FAM222B: variants seen among roughly 807,000 people sequenced by gnomAD.
FAM222B encodes protein FAM222B.
In FAM222B, 12 loss-of-function variants were observed where a neutral mutation model predicts 38.0. That is an observed-to-expected ratio of 0.32 (90% CI 0.20 to 0.51). The LOEUF (loss-of-function observed/expected upper bound fraction) is 0.51. FAM222B is among the 20% of genes least tolerant of loss of function. FAM222B has a pLI of 0.97. For synonymous variants in FAM222B, 329 were observed against 317.2 expected (o/e 1.04, Z -0.40); for missense variants, 716 against 754.2 (o/e 0.95, Z 0.59).
At chr17:28,775,253 G>T (rs1240744850) in intron 1 of FAM222B, among the ~76,000 whole-genome samples, 2 of 151,804 alleles carry the variant, frequency 1.3e-5, no homozygotes, top group African/African-American at 4.8e-5. Flanking sequence ...AAGGTGCTGG[G>T]ATTACAGACA....
intron 1 of FAM222B, among the ~76,000 whole-genome samples, chr17:28,833,628 A>G (rs2038743487): frequency 6.6e-6 from 1 of 151,748 alleles, no homozygotes; most frequent in Non-Finnish European, 1.5e-5. Context: ...AAAAAAAAAA[A>G]AAAAGAAGTT....
At chr17:28,770,593 C>CA (rs2151799853) in intron 1 of FAM222B, among the ~76,000 whole-genome samples, 2 of 144,188 alleles carry the variant, frequency 1.4e-5, no homozygotes, top group African/African-American at 5.1e-5. Context: ...TTTTTTGAGA[C>CA]AGAGTCTTGC....
At chr17:28,779,974 A>AC (rs1228218641) in intron 1 of FAM222B, among the ~76,000 whole-genome samples, 6 of 141,054 alleles carry the variant, frequency 4.3e-5, no homozygotes, top group Middle Eastern at 3.4e-3. Flanking sequence ...CACTCTAGCC[A>AC]CTTTTTTTTT....
At chr17:28,820,610 T>G (rs1353080568) in intron 1 of FAM222B, among the ~76,000 whole-genome samples, 2 of 152,012 alleles carry the variant, frequency 1.3e-5, no homozygotes, top group Non-Finnish European at 2.9e-5. Context: ...ATTCCTCATC[T>G]GAACCAAAAA....
At chr17:28,837,579 T>C (rs1321228855) in intron 1 of FAM222B, among the ~76,000 whole-genome samples, 1 of 152,136 alleles carries the variant, frequency 6.6e-6, no homozygotes, top group East Asian at 1.9e-4. Flanking sequence ...TCACAGAGCT[T>C]TGACAGGGAA....
upstream of FAM222B, among the ~76,000 whole-genome samples, chr17:28,845,124 G>A (rs555915860): frequency 3.9e-4 from 58 of 147,294 alleles, no homozygotes; most frequent in African/African-American, 1.3e-3. Flanking sequence ...AAATAGGGCC[G>A]GGCGCGGTGG....
rs1344486331 is a variant in FAM222B at position 28,759,980 on chromosome 17, T to TG, written c.83-105dup. ...CCCCTTTTGAGGGCCTGGGGTGGGG[T>TG]GGGGAAATGACTAGATTGTCATCTG... On this transcript the variant is annotated intron_variant, in intron 2 of 2. Coordinates refer to ENST00000581407, the MANE Select transcript of FAM222B (RefSeq NM_001077498.3). This position sits in a 1 kb window ranked among gnomAD's most constrained non-coding sequence, Gnocchi z 4.8. 1 of 1,151,960 alleles carries TG rather than the reference T, an allele frequency of 8.7e-7. No individual in the cohort carries two copies. Among genetic ancestry groups the TG allele is most frequent in the Non-Finnish European group, 1.2e-6 (1 of 828,748 alleles). The allele number at this position is 1,151,960 out of a possible 1,614,324, so 71.4% of individuals were successfully genotyped here.
intron 1 of FAM222B, among the ~76,000 whole-genome samples, chr17:28,829,097 G>C (rs1567895304): frequency 6.6e-6 from 1 of 151,984 alleles, no homozygotes. Context: ...GTAGAGATGG[G>C]ATTTCACTAC....
chr17:28,783,500 C>T (rs1435739457), intron 1 of FAM222B, among the ~76,000 whole-genome samples: 2 of 149,738 alleles, frequency 1.3e-5, no homozygotes, highest in African/African-American at 2.4e-5. Context: ...TAAAATGTAC[C>T]CTACCTTCAT....
At chr17:28,791,319 G>A (rs558643811) in intron 1 of FAM222B, among the ~76,000 whole-genome samples, 1 of 152,048 alleles carries the variant, frequency 6.6e-6, no homozygotes. Flanking sequence ...TATCTTAATG[G>A]AGAAGACATC....
At chr17:28,770,737 A>AT (rs1398301409) in intron 1 of FAM222B, among the ~76,000 whole-genome samples, 18 of 151,780 alleles carry the variant, frequency 1.2e-4, no homozygotes, top group African/African-American at 4.1e-4. Context: ...TGCCCGGCTA[A>AT]TTTTTTGTAT....
chr17:28,800,988 T>C (rs2037191342), intron 1 of FAM222B, among the ~76,000 whole-genome samples: 1 of 149,304 alleles, frequency 6.7e-6, no homozygotes, highest in South Asian at 2.1e-4. Flanking sequence ...TGAAACCCCA[T>C]CTCTACTAAA....
intron 1 of FAM222B, among the ~76,000 whole-genome samples, chr17:28,812,985 GTCGGAAAC>G (rs1229607806): frequency 1.6e-5 from 2 of 126,242 alleles, no homozygotes; most frequent in Non-Finnish European, 3.2e-5. Flanking sequence ...AATCCTCCCT[GTCGGAAAC>G]TCGTGCTTCC....
chr17:28,777,170 G>A (rs781292845), intron 1 of FAM222B: 2 of 152,116 alleles, frequency 1.3e-5, no homozygotes, highest in Non-Finnish European at 2.9e-5. Flanking sequence ...CAGCAAGGAA[G>A]AGAGATGGGT....
upstream of FAM222B, among the ~76,000 whole-genome samples, chr17:28,844,289 T>A (rs1052026693): frequency 4.0e-5 from 6 of 151,888 alleles, no homozygotes; most frequent in African/African-American, 1.2e-4. Flanking sequence ...TTTGGACACA[T>A]AAGGCCCAAG....
intron 1 of FAM222B, among the ~76,000 whole-genome samples, chr17:28,853,489 T>C (rs1279027179): frequency 2.6e-5 from 4 of 152,148 alleles, no homozygotes; most frequent in African/African-American, 9.7e-5. Context: ...GATACCAAAA[T>C]CTGCTGATTC....
chr17:28,803,828 A>C (rs1321307272), intron 1 of FAM222B, among the ~76,000 whole-genome samples: 1 of 151,890 alleles, frequency 6.6e-6, no homozygotes, highest in Non-Finnish European at 1.5e-5. Flanking sequence ...AAAAATACAA[A>C]AAAATTAGCT....
chr17:28,758,698 G>T lies in FAM222B; in HGVS notation c.1261C>A (p.His421Asn). 1 of 1,600,974 alleles carries T rather than the reference G, an allele frequency of 6.2e-7. No homozygotes were observed. The highest frequency in any genetic ancestry group is 8.5e-7 in the Non-Finnish European group (1 of 1,172,138). The change falls in exon 3 of 3, where the codon CAT (histidine) becomes AAT (asparagine). Residue 421 changes from histidine to asparagine, a missense_variant. Physicochemically the swap from His to Asn is moderately conservative, Grantham distance 68. Transcript: ENST00000581407. ...PQELCLAQSF[H>N]LKPPLEKPTP... ...GGCTTTTCCAGGGGTGGCTTCAGAT[G>T]GAAGGACTGCGCCAGGCAGAGTTCC...
chr17:28,807,908 A>G (rs2037567720), intron 1 of FAM222B, among the ~76,000 whole-genome samples: 1 of 152,248 alleles, frequency 6.6e-6, no homozygotes. Context: ...AGATGGATTA[A>G]AAGTTTGTAT....
Sources: allele counts gnomAD v4.1 joint callset (sites outside exome capture counted in the v4.1 genomes callset), GRCh38; gene constraint gnomAD v4.1.1; non-coding constraint Gnocchi (gnomAD v3.1); transcripts MANE v1.5; gene names NCBI Gene and HGNC (gene_info 2026-07-23, HGNC 2026-07-21).